The following ADCY1 variants were observed in gnomAD, a reference collection of about 807,000 sequenced individuals.
ADCY1 encodes adenylate cyclase 1.
A neutral mutation model predicts 105.4 loss-of-function variants in ADCY1; 28 were observed. The observed-to-expected ratio is 0.27, with a 90% CI of 0.20 to 0.36. ADCY1 has a LOEUF of 0.36. ADCY1 is among the 10% of genes least tolerant of loss of function. The pLI, the probability that ADCY1 is intolerant of heterozygous loss-of-function variation, is 1.00. For missense variants in ADCY1, 977 were observed against 1,434.2 expected (o/e 0.68, Z 5.15); for synonymous variants, 655 against 623.8 (o/e 1.05, Z -0.75).
chr7:45,692,465 T>C (rs1181537207), intron 14 of ADCY1, among the ~76,000 whole-genome samples: 1 of 152,232 alleles, frequency 6.6e-6, no homozygotes, highest in East Asian at 1.9e-4. Context: ...GACAGGACCC[T>C]GACCCAGGTA....
intron 3 of ADCY1, among the ~76,000 whole-genome samples, chr7:45,616,639 A>G (rs189344666): frequency 1.5e-4 from 23 of 152,352 alleles, no homozygotes; most frequent in Admixed American, 3.3e-4. Context: ...AAAATTCTCA[A>G]CAAATTAGGA....
intron 1 of ADCY1, among the ~76,000 whole-genome samples, chr7:45,581,459 C>G (rs1475953633): frequency 1.3e-5 from 2 of 152,220 alleles, no homozygotes; most frequent in Non-Finnish European, 2.9e-5. Context: ...TCTCTGACAA[C>G]TGTACTAAAC....
At chr7:45,584,305 C>T (rs1245367601) in intron 1 of ADCY1, among the ~76,000 whole-genome samples, 1 of 152,170 alleles carries the variant, frequency 6.6e-6, no homozygotes, top group African/African-American at 2.4e-5. Context: ...GTGTGGCACA[C>T]CCTGGCTCTG....
At chr7:45,664,540 C>T (rs1795218669) in intron 8 of ADCY1, 7 of 1,339,686 alleles carry the variant, frequency 5.2e-6, no homozygotes, top group Admixed American at 2.9e-5. Context: ...CACAAAGATG[C>T]ACAAGGGAGA....
chr7:45,632,671 C>G (rs1482521333), intron 4 of ADCY1, among the ~76,000 whole-genome samples: 2 of 152,112 alleles, frequency 1.3e-5, no homozygotes, highest in Non-Finnish European at 2.9e-5. Flanking sequence ...TCAAGCAATC[C>G]TTCTGCTTCA....
intron 3 of ADCY1, among the ~76,000 whole-genome samples, chr7:45,618,936 C>T (rs968249249): frequency 1.3e-5 from 2 of 152,166 alleles, no homozygotes; most frequent in Non-Finnish European, 2.9e-5. Flanking sequence ...GCACTATTCA[C>T]AGTAACCTAG....
At chr7:45,689,140 G>A (rs1437037594) in intron 14 of ADCY1, among the ~76,000 whole-genome samples, 1 of 151,742 alleles carries the variant, frequency 6.6e-6, no homozygotes. Context: ...GGAGTGGGCA[G>A]GGGTTGCTGA....
chr7:45,713,105 C>A (rs1382919717), intron 19 of ADCY1, among the ~76,000 whole-genome samples: 1 of 152,148 alleles, frequency 6.6e-6, no homozygotes, highest in African/African-American at 2.4e-5. Context: ...TCTTTGCTGC[C>A]CCTTCCAGCT....
At position 45,646,314 on chromosome 7, in the gene ADCY1, G is replaced by A. The variant is rs199675733; in HGVS notation, c.1021-2356G>A. On this transcript the variant is annotated intron_variant, in intron 4 of 19. Coordinates refer to ENST00000297323, the MANE Select transcript of ADCY1 (RefSeq NM_021116.4). ...TGCAGGACAGAGACTGGCGCTGGCAGCCCACGCTGGAGTCCAGTGAATGGT... is the reference window on the plus strand; with the variant it reads ...TGCAGGACAGAGACTGGCGCTGGCAACCCACGCTGGAGTCCAGTGAATGGT... Among the ~76,000 whole-genome samples the A allele has an allele frequency of 3.3e-5, 5 of 152,304 alleles. No homozygotes were observed. In the East Asian group the frequency reaches 9.7e-4, roughly 29 times the overall value.
At chr7:45,654,144 C>T (rs572760843) in intron 5 of ADCY1, among the ~76,000 whole-genome samples, 46 of 152,286 alleles carry the variant, frequency 3.0e-4, no homozygotes, top group Non-Finnish European at 5.9e-4. Context: ...AAGAGGGAGC[C>T]GGTGGCCAAT....
At position 45,643,165 on chromosome 7, in the gene ADCY1, T is replaced by C. The variant is rs376004054; in HGVS notation, c.1021-5505T>C. On this transcript the variant is annotated intron_variant, in intron 4 of 19. Coordinates refer to ENST00000297323, the MANE Select transcript of ADCY1 (RefSeq NM_021116.4). ...TCACCTCTGAGCAGCATCTTCAGACTAATCATTTTTCTAGAAGGCCTGGTT... is the reference window on the plus strand; with the variant it reads ...TCACCTCTGAGCAGCATCTTCAGACCAATCATTTTTCTAGAAGGCCTGGTT... Among the ~76,000 whole-genome samples the C allele has an allele frequency of 4.2e-4, 63 of 150,670 alleles. 1 individual carries two copies. The South Asian group carries it at 0.013, about 32-fold the overall frequency.
In ADCY1 at chr7:45,720,561, G is replaced by T. The variant is rs1356947362; in HGVS notation, c.*6566G>T. 1 of 151,680 alleles carries T rather than the reference G, an allele frequency of 6.6e-6. No individual in the cohort carries two copies. The highest frequency in any genetic ancestry group is 1.5e-5 in the Non-Finnish European group (1 of 67,996). 9.4% of individuals were successfully genotyped at this position (151,680 alleles called of 1,614,324 possible). ...AAGAAATCAGAAAATCGACCACAGT[G>T]GTAGCCACCTGGCCTAATGCTGTGT... On this transcript the variant is annotated 3_prime_UTR_variant, in exon 20 of 20. Coordinates refer to ENST00000297323, the MANE Select transcript of ADCY1 (RefSeq NM_021116.4).
At chr7:45,685,890 A>C (rs1001959088) in intron 12 of ADCY1, 72 bp from the exon 13 acceptor site, 23 of 1,526,622 alleles carry the variant, frequency 1.5e-5, no homozygotes, top group Middle Eastern at 2.3e-4. Flanking sequence ...GAAGAGGGAC[A>C]CCTGAGCATG....
chr7:45,575,861 C>T lies in ADCY1; in HGVS notation c.639+679C>T, dbSNP rs562902921. On this transcript the variant is annotated intron_variant, in intron 1 of 19. Transcript: ENST00000297323. The surrounding 1 kb of genome is among the most constrained non-coding windows in gnomAD (Gnocchi z 4.7). Reference sequence around the variant, plus strand: ...CTTTGTCACTGTCTTCCCAGTCGGGCGGGCGAGATGGTTGCAAGGACGGGG... The same window carrying T: ...CTTTGTCACTGTCTTCCCAGTCGGGTGGGCGAGATGGTTGCAAGGACGGGG... Among the ~76,000 whole-genome samples the T allele has an allele frequency of 3.7e-4, 56 of 152,372 alleles. No individual in the cohort carries two copies. Among genetic ancestry groups the T allele is most frequent in the African/African-American group, 1.2e-3 (49 of 41,586 alleles).
At chr7:45,609,982 C>T (rs901448427) in intron 2 of ADCY1, among the ~76,000 whole-genome samples, 4 of 152,164 alleles carry the variant, frequency 2.6e-5, no homozygotes, top group African/African-American at 9.7e-5. Flanking sequence ...GTGGGTACCT[C>T]AGGAGGACAG....
At chr7:45,578,166 G>A (rs1188756986) in intron 1 of ADCY1, among the ~76,000 whole-genome samples, 2 of 152,174 alleles carry the variant, frequency 1.3e-5, no homozygotes, top group African/African-American at 4.8e-5. Context: ...GAAAGCTAGT[G>A]TGCATGACTA....
intron 2 of ADCY1, among the ~76,000 whole-genome samples, chr7:45,601,554 T>C (rs1241720385): frequency 3.3e-5 from 5 of 152,096 alleles, no homozygotes; most frequent in East Asian, 1.9e-4. Context: ...CAGTCCTCCT[T>C]CTGGTTTGTC....
At position 45,686,577 on chromosome 7, in the gene ADCY1, G is replaced by C; in HGVS notation, c.2358G>C (p.Glu786Asp). ...GGGAVSGRSY[E>D]PIVAILLFSC... ...GTGCCGTCTCCGGGCGCAGCTACGA[G>C]CCGATTGTGGCCATCCTGCTCTTCT... Residue 786 changes from glutamate (E) to aspartate (D), a missense_variant, in exon 14 of 20, where the codon GAG becomes GAC. By Grantham distance (45) the Glu-to-Asp change is conservative (BLOSUM62 2). Coordinates refer to ENST00000297323, the MANE Select transcript of ADCY1 (RefSeq NM_021116.4). The surrounding 1 kb of genome is among the most constrained non-coding windows in gnomAD (Gnocchi z 4.3). The C allele has an allele frequency of 6.2e-7, 1 of 1,613,220 alleles. No individual in the cohort carries two copies. Among genetic ancestry groups the C allele is most frequent in the Non-Finnish European group, 8.5e-7 (1 of 1,179,422 alleles).
chr7:45,688,303 C>G (rs921487918), intron 14 of ADCY1, among the ~76,000 whole-genome samples: 2 of 152,150 alleles, frequency 1.3e-5, no homozygotes, highest in Non-Finnish European at 2.9e-5. Flanking sequence ...AATTCTATTC[C>G]TGATGTCGTT....
Sources: gnomAD v4.1 joint callset for allele counts (sites outside exome capture counted in the v4.1 genomes callset) on GRCh38, gnomAD v4.1.1 for gene constraint, Gnocchi (gnomAD v3.1) non-coding constraint, MANE v1.5 for transcripts, NCBI Gene and HGNC (gene_info 2026-07-23, HGNC 2026-07-21) for gene names.